The following EZH2 variants were observed in gnomAD, a reference collection of about 807,000 sequenced individuals.
The protein encoded by EZH2 is histone-lysine N-methyltransferase EZH2.
Under a neutral mutation model 98.4 loss-of-function variants are expected in EZH2, and 18 were observed. The ratio of observed to expected loss-of-function variants is 0.18; its 90% CI spans 0.13 to 0.27. The LOEUF (loss-of-function observed/expected upper bound fraction) is 0.27, where lower values mean the gene tolerates loss of function less well. EZH2 is among the 10% of genes least tolerant of loss of function. The pLI is 1.00. For missense variants in EZH2, 470 were observed against 935.1 expected, an observed-to-expected ratio of 0.50 and a Z score of 6.49; for synonymous variants, 338 against 312.3, an observed-to-expected ratio of 1.08 and a Z score of -0.87.
chr7:148,876,489 A>C (rs932798121), intron 1 of EZH2, among the ~76,000 whole-genome samples: 1 of 152,212 alleles, frequency 6.6e-6, no homozygotes, highest in East Asian at 1.9e-4. Context: ...TTAACTAAAA[A>C]TTAATATAAC....
chr7:148,811,772 TG>T, intron 15 of EZH2, 52 bp from the exon 16 acceptor site: 4 of 1,479,990 alleles, frequency 2.7e-6, no homozygotes, highest in Admixed American at 3.4e-5. Flanking sequence ...GAAAATGGAC[TG>T]GGGACAAAGT....
intron 1 of EZH2, among the ~76,000 whole-genome samples, chr7:148,874,976 T>C (rs1482165094): frequency 6.6e-6 from 1 of 152,102 alleles, no homozygotes; most frequent in East Asian, 1.9e-4. Context: ...ACATACCCCA[T>C]TCTAAGATCA....
chr7:148,807,814 T>TA (rs35866517), intron 19 of EZH2, 108 bp from the exon 20 acceptor site: 8,869 of 397,394 alleles, frequency 0.022, no homozygotes, highest in South Asian at 0.037. Context: ...AAAATGTCTT[T>TA]AAAAAAAAAA....
intron 1 of EZH2, among the ~76,000 whole-genome samples, chr7:148,850,185 A>C (rs1392298150): frequency 6.6e-6 from 1 of 151,872 alleles, no homozygotes; most frequent in Non-Finnish European, 1.5e-5. Flanking sequence ...CGCCAGGCTA[A>C]TTTTTTGTAT....
intron 14 of EZH2, among the ~76,000 whole-genome samples, chr7:148,814,611 C>G (rs1405746198): frequency 6.6e-6 from 1 of 152,166 alleles, no homozygotes; most frequent in South Asian, 2.1e-4. Flanking sequence ...CTTCTAGATT[C>G]CTCTTACAAT....
intron 1 of EZH2, among the ~76,000 whole-genome samples, chr7:148,853,792 T>C (rs143913173): frequency 4.9e-4 from 75 of 152,356 alleles, no homozygotes; most frequent in African/African-American, 1.4e-3. Context: ...TCTACAAATG[T>C]AGAATCCCAT....
At chr7:148,815,693 C>T in intron 12 of EZH2, 147 bp from the exon 13 acceptor site, 1 of 710,700 alleles carries the variant, frequency 1.4e-6, no homozygotes, top group Non-Finnish European at 2.5e-6. Flanking sequence ...TATTTGCCAT[C>T]AGTTTGAAGC....
intron 3 of EZH2, among the ~76,000 whole-genome samples, chr7:148,837,374 C>A (rs954049995): frequency 2.6e-5 from 4 of 152,166 alleles, no homozygotes; most frequent in African/African-American, 9.7e-5. Flanking sequence ...AAGGTCGGCA[C>A]TCCAGGAAAG....
At chr7:148,833,290 C>T (rs1809905825) in intron 3 of EZH2, among the ~76,000 whole-genome samples, 1 of 151,688 alleles carries the variant, frequency 6.6e-6, no homozygotes, top group Admixed American at 6.6e-5. Flanking sequence ...AACCCCGTCT[C>T]TACTAAAAAT....
intron 19 of EZH2, among the ~76,000 whole-genome samples, chr7:148,808,622 AATG>A (rs1802168608): frequency 6.6e-6 from 1 of 152,216 alleles, no homozygotes; most frequent in Non-Finnish European, 1.5e-5. Flanking sequence ...TTAAAATGGT[AATG>A]ATATGTGTAA....
intron 17 of EZH2, among the ~76,000 whole-genome samples, chr7:148,809,621 T>C (rs1330636547): frequency 1.3e-5 from 2 of 150,534 alleles, no homozygotes; most frequent in Admixed American, 6.6e-5. Context: ...CAAAAGCTAT[T>C]AATTATCAAC....
At chr7:148,860,188 T>C (rs762085861) in intron 1 of EZH2, among the ~76,000 whole-genome samples, 16 of 152,046 alleles carry the variant, frequency 1.1e-4, no homozygotes, top group Non-Finnish European at 2.1e-4. Flanking sequence ...ATCATATTCA[T>C]AAAATTAAAG....
At chr7:148,832,553 A>T (rs1809694633) in intron 4 of EZH2, 81 bp downstream of exon 4, 1 of 775,966 alleles carries the variant, frequency 1.3e-6, no homozygotes, top group Non-Finnish European at 2.1e-6. Flanking sequence ...GTCTTGATTC[A>T]CCTTGACAAT....
At chr7:148,833,552 A>G (rs1257481169) in intron 3 of EZH2, among the ~76,000 whole-genome samples, 1 of 152,194 alleles carries the variant, frequency 6.6e-6, no homozygotes, top group Non-Finnish European at 1.5e-5. Context: ...CTAAGTGTCA[A>G]TTGCTGATAT....
At chr7:148,839,476 A>T (rs909480891) in intron 3 of EZH2, among the ~76,000 whole-genome samples, 3 of 151,110 alleles carry the variant, frequency 2.0e-5, no homozygotes, top group Non-Finnish European at 2.9e-5. Context: ...GAAAGACAAA[A>T]ATTAAAAGAA....
At chr7:148,879,682 T>C (rs887751668) in intron 1 of EZH2, among the ~76,000 whole-genome samples, 32 of 152,046 alleles carry the variant, frequency 2.1e-4, no homozygotes, top group South Asian at 2.1e-4. Flanking sequence ...AGAGTGACAC[T>C]GCATCTCAAA....
At chr7:148,833,686 T>C (rs777388987) in intron 3 of EZH2, among the ~76,000 whole-genome samples, 1 of 152,204 alleles carries the variant, frequency 6.6e-6, no homozygotes, top group Non-Finnish European at 1.5e-5. Flanking sequence ...TACTAAGTAC[T>C]TTCTATGTGC....
intron 1 of EZH2, among the ~76,000 whole-genome samples, chr7:148,877,177 A>G (rs1012008604): frequency 6.6e-6 from 1 of 152,224 alleles, no homozygotes; most frequent in African/African-American, 2.4e-5. Context: ...ATATATGAAT[A>G]TATTTGAAAA....
At chr7:148,825,636 C>G (rs1807477632) in intron 8 of EZH2, among the ~76,000 whole-genome samples, 2 of 152,244 alleles carry the variant, frequency 1.3e-5, no homozygotes, top group African/African-American at 4.8e-5. Flanking sequence ...GGCACAGGAA[C>G]TCAAAACAAC....
Sources: allele counts gnomAD v4.1 joint callset (sites outside exome capture counted in the v4.1 genomes callset), GRCh38; gene constraint gnomAD v4.1.1; transcripts MANE v1.5; gene names NCBI Gene and HGNC (gene_info 2026-07-23, HGNC 2026-07-21).